The following BRINP2 variants were observed in gnomAD, a reference collection of about 807,000 sequenced individuals.
BRINP2 encodes BMP/retinoic acid-inducible neural-specific protein 2.
In BRINP2, 21 loss-of-function variants were observed where a neutral mutation model predicts 69.2. The ratio of observed to expected loss-of-function variants is 0.30; its 90% confidence interval spans 0.22 to 0.44. The LOEUF (loss-of-function observed/expected upper bound fraction) is 0.44. Ranked by LOEUF, BRINP2 falls within the 20% of genes least tolerant of loss-of-function variation. The pLI, the probability that BRINP2 is intolerant of heterozygous loss-of-function variation, is 1.00. For synonymous variants in BRINP2, 380 were observed against 394.1 expected (o/e 0.96, Z 0.42); for missense variants, 877 against 986.0 (o/e 0.89, Z 1.48).
rs967188834 is a variant in BRINP2 at position 177,256,517 on chromosome 1, C to G, written c.460+408C>G. The G allele has an allele frequency of 1.6e-5, 16 of 985,250 alleles. No homozygotes were observed. In the South Asian group the frequency reaches 7.0e-4, roughly 43 times the overall value. 61.0% of individuals were successfully genotyped at this position (985,250 alleles called of 1,614,324 possible). Reference sequence around the variant, plus strand: ...CCCTGACCCCTCTTCCTCTCTATAACGATTGGAAACTGTCCAAACCAACTC... The same window carrying G: ...CCCTGACCCCTCTTCCTCTCTATAAGGATTGGAAACTGTCCAAACCAACTC... On this transcript the variant is annotated intron_variant, in intron 3 of 7. Coordinates refer to ENST00000361539, the MANE Select transcript of BRINP2 (RefSeq NM_021165.4).
intron 7 of BRINP2, among the ~76,000 whole-genome samples, chr1:177,279,836 A>G (rs1229410601): frequency 6.6e-6 from 1 of 152,244 alleles, no homozygotes; most frequent in Non-Finnish European, 1.5e-5. Context: ...TGGATTGAAT[A>G]AAACAGGGTT....
At chr1:177,183,422 G>T (rs1408534784) in intron 1 of BRINP2, among the ~76,000 whole-genome samples, 1 of 152,172 alleles carries the variant, frequency 6.6e-6, no homozygotes, top group Non-Finnish European at 1.5e-5. Flanking sequence ...GCAAACAACA[G>T]AAGAACACAG....
intron 1 of BRINP2, among the ~76,000 whole-genome samples, chr1:177,180,895 G>C (rs115460190): frequency 0.028 from 4,255 of 152,202 alleles, 79 homozygotes; most frequent in Non-Finnish European, 0.037. Context: ...TGTGAGACTA[G>C]GACCAATCAT....
At chr1:177,208,851 C>T (rs1448774135) in intron 1 of BRINP2, among the ~76,000 whole-genome samples, 1 of 152,212 alleles carries the variant, frequency 6.6e-6, no homozygotes, top group Non-Finnish European at 1.5e-5. Flanking sequence ...CCCTGGCAAG[C>T]CACCTCAGGG....
At chr1:177,263,715 A>T (rs1340216730) in intron 4 of BRINP2, among the ~76,000 whole-genome samples, 1 of 152,192 alleles carries the variant, frequency 6.6e-6, no homozygotes, top group Non-Finnish European at 1.5e-5. Flanking sequence ...CTGGAGTGAG[A>T]GTAGAAGAGA....
rs759312021 is a variant in BRINP2, at chr1:177,278,547, G to C, written c.1013-16G>C. The stretch of plus-strand genomic sequence containing the variant: ...ATAGCTACCCGTCAGCTCAGGTCCT[G>C]TGTTCTTGTCCACAGAAGAGTTCCA... On this transcript the variant is annotated splice_polypyrimidine_tract_variant and intron_variant, in intron 6 of 7. Transcript: ENST00000361539. 1 of 1,613,740 alleles carries C rather than the reference G, an allele frequency of 6.2e-7. No homozygotes were observed. Among genetic ancestry groups the C allele is most frequent in the South Asian group, 1.1e-5 (1 of 91,072 alleles).
intron 4 of BRINP2, among the ~76,000 whole-genome samples, chr1:177,268,713 C>G (rs182526021): frequency 1.3e-5 from 2 of 152,282 alleles, no homozygotes; most frequent in South Asian, 2.1e-4. Context: ...CACCAAGACA[C>G]TAGGTCTTAG....
chr1:177,189,496 G>A (rs1268483974), intron 1 of BRINP2, among the ~76,000 whole-genome samples: 1 of 152,150 alleles, frequency 6.6e-6, no homozygotes. Context: ...CATAGCCAAC[G>A]ATGGCAAATT....
intron 2 of BRINP2, among the ~76,000 whole-genome samples, chr1:177,230,852 T>C (rs1281137411): frequency 2.0e-5 from 3 of 152,210 alleles, no homozygotes; most frequent in African/African-American, 7.2e-5. Context: ...AGTGCACCAG[T>C]GAACTCAAAA....
intron 4 of BRINP2, among the ~76,000 whole-genome samples, chr1:177,271,118 G>A (rs192945499): frequency 4.6e-5 from 7 of 152,326 alleles, no homozygotes; most frequent in Admixed American, 6.5e-5. Context: ...ATTCATCTGC[G>A]AGTTCCAAAT....
chr1:177,252,506 C>T (rs1650614428), intron 2 of BRINP2, among the ~76,000 whole-genome samples: 1 of 152,128 alleles, frequency 6.6e-6, no homozygotes. Context: ...TACATGCATA[C>T]ACCGAATAAT....
intron 2 of BRINP2, among the ~76,000 whole-genome samples, chr1:177,236,076 C>T (rs767740520): frequency 6.6e-6 from 1 of 152,140 alleles, no homozygotes. Context: ...TGGTTACAGG[C>T]ACTATTTCTC....
chr1:177,195,370 C>T (rs1648711398), intron 1 of BRINP2, among the ~76,000 whole-genome samples: 1 of 151,758 alleles, frequency 6.6e-6, no homozygotes, highest in South Asian at 2.1e-4. Flanking sequence ...GCATATTTTG[C>T]AAAGACTGTT....
intron 2 of BRINP2, among the ~76,000 whole-genome samples, chr1:177,239,380 A>T (rs1012553423): frequency 6.6e-6 from 1 of 152,224 alleles, no homozygotes; most frequent in Non-Finnish European, 1.5e-5. Flanking sequence ...CAAGGGTGCG[A>T]TGTAAATCGA....
intron 2 of BRINP2, among the ~76,000 whole-genome samples, chr1:177,254,653 T>A (rs560058452): frequency 2.2e-4 from 34 of 151,728 alleles, no homozygotes; most frequent in Non-Finnish European, 4.0e-4. Context: ...GGCAACAAAT[T>A]GTGATTATTC....
rs984819890 is a variant in BRINP2 at position 177,282,288 on chromosome 1, C to T, written c.*760C>T. On this transcript the variant is annotated 3_prime_UTR_variant, in exon 8 of 8. Transcript: ENST00000361539. Reference sequence around the variant, plus strand: ...GAAGCTCTGTCAAGTTAGAGAGAGACAATGTGTAGGAAATGTTCTTTTTTA... The same window carrying T: ...GAAGCTCTGTCAAGTTAGAGAGAGATAATGTGTAGGAAATGTTCTTTTTTA... The T allele has an allele frequency of 6.6e-6, 1 of 151,948 alleles. No homozygotes were observed. Among genetic ancestry groups the T allele is most frequent in the Non-Finnish European group, 1.5e-5 (1 of 67,998 alleles). 9.4% of individuals were successfully genotyped at this position (151,948 alleles called of 1,614,324 possible).
At chr1:177,219,378 T>C (rs1649463099) in intron 1 of BRINP2, among the ~76,000 whole-genome samples, 1 of 152,140 alleles carries the variant, frequency 6.6e-6, no homozygotes, top group Non-Finnish European at 1.5e-5. Context: ...AAGCACTTAG[T>C]GGTGGGTGTC....
chr1:177,212,012 C>T (rs1201268781), intron 1 of BRINP2, among the ~76,000 whole-genome samples: 1 of 152,042 alleles, frequency 6.6e-6, no homozygotes, highest in East Asian at 1.9e-4. Context: ...TTGAGTATAT[C>T]AATCAATCTA....
chr1:177,252,861 C>T (rs141536332), intron 2 of BRINP2, among the ~76,000 whole-genome samples: 39 of 152,184 alleles, frequency 2.6e-4, no homozygotes, highest in African/African-American at 8.7e-4. Flanking sequence ...CTTAACATTA[C>T]GTCCTCCAGG....
Sources: allele counts gnomAD v4.1 joint callset (sites outside exome capture counted in the v4.1 genomes callset), GRCh38; gene constraint gnomAD v4.1.1; transcripts MANE v1.5; gene names NCBI Gene and HGNC (gene_info 2026-07-23, HGNC 2026-07-21).